Variants in CCDC38 observed in about 807,000 individuals in gnomAD.
CCDC38 encodes coiled-coil domain-containing protein 38.
A neutral mutation model predicts 72.8 loss-of-function variants in CCDC38; 69 were observed. That is an observed-to-expected ratio of 0.95 (90% CI 0.78 to 1.16). The LOEUF (loss-of-function observed/expected upper bound fraction) is 1.16, where lower values mean the gene tolerates loss of function less well. Among genes scored for constraint, CCDC38 ranks in the 50% most tolerant of loss-of-function variants. The probability of loss-of-function intolerance (pLI) is 0.00; values close to 1 mark genes in which losing one functional copy is unlikely to be tolerated. For synonymous variants in CCDC38, 201 were observed against 213.2 expected (o/e 0.94, Z 0.50); for missense variants, 626 against 638.9 (o/e 0.98, Z 0.22).
At chr12:95,926,563 T>G (rs1237343754) in intron 2 of CCDC38, among the ~76,000 whole-genome samples, 5 of 152,146 alleles carry the variant, frequency 3.3e-5, no homozygotes, top group Non-Finnish European at 7.3e-5. Context: ...CTGATTTTAG[T>G]TATTTCTTGC....
intron 4 of CCDC38, among the ~76,000 whole-genome samples, chr12:95,916,379 G>GCCTGCCTT (rs1457231674): frequency 1.6e-4 from 24 of 147,458 alleles, no homozygotes; most frequent in African/African-American, 4.8e-4. Context: ...TTGCCTGCCT[G>GCCTGCCTT]CCTTCCTTCC....
At chr12:95,926,329 A>G (rs1469230588) in intron 2 of CCDC38, among the ~76,000 whole-genome samples, 3 of 152,188 alleles carry the variant, frequency 2.0e-5, no homozygotes, top group Non-Finnish European at 4.4e-5. Flanking sequence ...TTATTTGAGT[A>G]GAGGTGTTTG....
Position 95,869,505 on chromosome 12 carries a change from T to C in CCDC38, c.1553A>G (p.Lys518Arg). Residue 518 changes from lysine (K) to arginine (R), a missense_variant, in exon 15 of 16, where the codon AAA (lysine) becomes AGA (arginine). Lys to Arg is a conservative substitution (Grantham distance 26). Transcript: ENST00000344280. Reference protein sequence around the residue: ...QQERLKAALEKAVAQPKKKLG... With the variant: ...QQERLKAALERAVAQPKKKLG... ...CTTTTTCTTTGGTTGTGCTACTGCT[T>C]TTTCCAGAGCAGCTTTTAGCCTTTC... 2 of 1,613,660 alleles carry C rather than the reference T, an allele frequency of 1.2e-6. No individual in the cohort carries two copies. The highest frequency in any genetic ancestry group is 4.5e-5 in the East Asian group (2 of 44,820).
intron 3 of CCDC38, 74 bp from the exon 4 acceptor site, chr12:95,917,368 T>A: frequency 8.2e-7 from 1 of 1,219,900 alleles, no homozygotes. Flanking sequence ...TGATTATATA[T>A]AAAAATAACA....
chr12:95,873,546 A>G (rs1240653158), intron 13 of CCDC38, among the ~76,000 whole-genome samples: 2 of 152,148 alleles, frequency 1.3e-5, no homozygotes, highest in African/African-American at 4.8e-5. Context: ...GTGGTAGGTA[A>G]CTTGTCTCAG....
Position 95,879,634 on chromosome 12 carries a change from A to T in CCDC38, c.1142+10T>A. The T allele has an allele frequency of 6.4e-7, 1 of 1,555,594 alleles. No homozygotes were observed. The highest frequency in any genetic ancestry group is 1.7e-4 in the Middle Eastern group (1 of 5,868). ...TAATGGAATAAATCTACTTGTTTATAATGACTTACGTTTTATCCTGTATAA... is the reference window on the plus strand; with the variant it reads ...TAATGGAATAAATCTACTTGTTTATTATGACTTACGTTTTATCCTGTATAA... On this transcript the variant is annotated intron_variant, in intron 12 of 15. Transcript: ENST00000344280. The surrounding 1 kb of genome is among the most constrained non-coding windows in gnomAD (Gnocchi z 5.5).
At chr12:95,875,047 A>G (rs957434575) in intron 13 of CCDC38, among the ~76,000 whole-genome samples, 1 of 152,232 alleles carries the variant, frequency 6.6e-6, no homozygotes, top group Non-Finnish European at 1.5e-5. Flanking sequence ...TTCATGTTCA[A>G]TGAAGAAGTA....
chr12:95,906,956 C>G (rs1210913736), intron 4 of CCDC38, among the ~76,000 whole-genome samples: 1 of 151,004 alleles, frequency 6.6e-6, no homozygotes, highest in Admixed American at 6.6e-5. Context: ...TTTTCCTAGG[C>G]AGAGGACCCT....
intron 1 of CCDC38, among the ~76,000 whole-genome samples, chr12:95,940,006 C>T (rs534170112): frequency 8.6e-5 from 13 of 151,490 alleles, no homozygotes; most frequent in Admixed American, 7.9e-4. Context: ...AATAATAACA[C>T]CTTCCTTACA....
intron 2 of CCDC38, among the ~76,000 whole-genome samples, chr12:95,923,444 T>C (rs938293742): frequency 6.6e-5 from 10 of 152,046 alleles, no homozygotes; most frequent in African/African-American, 2.4e-4. Flanking sequence ...GGATGAGTAA[T>C]TAGTGGGCTG....
At chr12:95,884,929 C>T (rs1026566159) in intron 10 of CCDC38, among the ~76,000 whole-genome samples, 1 of 152,218 alleles carries the variant, frequency 6.6e-6, no homozygotes, top group African/African-American at 2.4e-5. Context: ...TTCTACATAT[C>T]TTTGTGGGGG....
At chr12:95,898,830 A>G in intron 5 of CCDC38, 99 bp from the exon 6 acceptor site, 1 of 1,172,520 alleles carries the variant, frequency 8.5e-7, no homozygotes, top group South Asian at 1.5e-5. Flanking sequence ...ATTAGAAATA[A>G]TAGTACGCCT....
chr12:95,910,149 A>AC (rs2080075033), intron 4 of CCDC38, among the ~76,000 whole-genome samples: 1 of 152,128 alleles, frequency 6.6e-6, no homozygotes, highest in African/African-American at 2.4e-5. Context: ...TACCTAAAAA[A>AC]CCCCAAAGAC....
chr12:95,886,846 A>C (rs7301519), intron 10 of CCDC38, among the ~76,000 whole-genome samples: 6,643 of 152,310 alleles, frequency 0.044, 463 homozygotes, highest in East Asian at 0.36. Context: ...TGGGAATGTA[A>C]AGTGACATAG....
At chr12:95,931,442 G>A (rs1363120019) in intron 2 of CCDC38, among the ~76,000 whole-genome samples, 1 of 152,170 alleles carries the variant, frequency 6.6e-6, no homozygotes, top group Non-Finnish European at 1.5e-5. Context: ...ACAGGTTCCA[G>A]GGATTAGAAT....
intron 8 of CCDC38, among the ~76,000 whole-genome samples, chr12:95,892,849 A>G (rs12367332): frequency 0.32 from 48,781 of 151,990 alleles, 9,344 homozygotes; most frequent in African/African-American, 0.52. Context: ...GATTACAGGC[A>G]TGAGCCACCA....
chr12:95,869,596 T>C, intron 14 of CCDC38, 23 bp from the exon 15 acceptor site: 1 of 1,547,098 alleles, frequency 6.5e-7, no homozygotes. Context: ...GGGAGAAACA[T>C]TCTTGTAACT....
intron 4 of CCDC38, among the ~76,000 whole-genome samples, chr12:95,908,449 G>GGAGAC (rs1345445555): frequency 0.051 from 18 of 350 alleles, 1 homozygote; most frequent in African/African-American, 0.17. Flanking sequence ...TGGAAAGAGG[G>GGAGAC]AGAGGGAGAG....
At chr12:95,914,772 C>T (rs1030409222) in intron 4 of CCDC38, among the ~76,000 whole-genome samples, 7 of 152,042 alleles carry the variant, frequency 4.6e-5, no homozygotes, top group Admixed American at 1.3e-4. Context: ...CACCCCCGCT[C>T]CTCACACCCT....
Sources: gnomAD v4.1 joint callset for allele counts (sites outside exome capture counted in the v4.1 genomes callset) on GRCh38, gnomAD v4.1.1 for gene constraint, Gnocchi (gnomAD v3.1) non-coding constraint, MANE v1.5 for transcripts, NCBI Gene and HGNC (gene_info 2026-07-23, HGNC 2026-07-21) for gene names.